The following MZT2B variants were observed in gnomAD, a reference collection of about 807,000 sequenced individuals.
The protein encoded by MZT2B is mitotic-spindle organizing protein 2B.
In MZT2B, 11 loss-of-function variants were observed where a neutral mutation model predicts 12.1. That is an observed-to-expected ratio of 0.91 (90% CI 0.57 to 1.50). MZT2B has a LOEUF of 1.50. Ranked by LOEUF, MZT2B falls within the 40% of genes most tolerant of loss-of-function variation. The pLI is 0.00. For missense variants in MZT2B, 209 were observed against 227.7 expected, an observed-to-expected ratio of 0.92 and a Z score of 0.53; for synonymous variants, 85 against 109.5, an observed-to-expected ratio of 0.78 and a Z score of 1.40.
the MZT2B span, chr2:130,198,231 G>T: frequency 2.1e-5 from 23 of 1,104,120 alleles, 4 homozygotes; most frequent in East Asian, 6.7e-4. Flanking sequence ...CTCCTGTCCC[G>T]CACTAGACCC....
the MZT2B span, among the ~76,000 whole-genome samples, chr2:130,201,671 C>T: frequency 1.1e-4 from 16 of 152,212 alleles, 1 homozygote; most frequent in South Asian, 3.3e-3. Context: ...TAGCCCACAT[C>T]ACACGGTGCT....
the MZT2B span, among the ~76,000 whole-genome samples, chr2:130,201,118 G>A: frequency 6.6e-6 from 1 of 152,232 alleles, no homozygotes; most frequent in African/African-American, 2.4e-5. Flanking sequence ...CAGGAGTTGA[G>A]ACTTTTCTGT....
At chr2:130,189,630 G>A (rs558059426) in intron 2 of MZT2B, among the ~76,000 whole-genome samples, 3 of 152,328 alleles carry the variant, frequency 2.0e-5, no homozygotes, top group South Asian at 2.1e-4. Context: ...ACCCGGGCAC[G>A]TTTGTACCTT....
At chr2:130,182,558 G>T in intron 1 of MZT2B, 69 bp from the exon 2 acceptor site, 2 of 1,569,612 alleles carry the variant, frequency 1.3e-6, no homozygotes, top group South Asian at 1.2e-5. Flanking sequence ...CCCCGTCCTT[G>T]TCGGGTCTTC....
At chr2:130,198,475 C>T in the MZT2B span, 90 of 1,217,250 alleles carry the variant, frequency 7.4e-5, 24 homozygotes, top group East Asian at 9.9e-4. Flanking sequence ...ATTGGCCTGC[C>T]GGTGCCAGGC....
chr2:130,182,675 C>T lies in MZT2B; in HGVS notation c.219C>T (p.Phe73=). ...LKLNVAPLAV[F]QMLKSMCAGQ... ...TGAACGTGGCCCCCCTCGCCGTCTT[C>T]CAGATGCTCAAGTCCATGTGTGCCG... The change falls in exon 2 of 3, where the codon TTC becomes TTT. Residue 73 remains phenylalanine, a synonymous_variant. Coordinates refer to ENST00000281871, the MANE Select transcript of MZT2B (RefSeq NM_025029.5). 1.3e-6 allele frequency: 2 copies of T among 1,554,606 alleles called. No individual in the cohort carries two copies. Among genetic ancestry groups the T allele is most frequent in the Non-Finnish European group, 1.7e-6 (2 of 1,149,958 alleles).
chr2:130,202,538 C>T, the MZT2B span: 1,003 of 1,083,048 alleles, frequency 9.3e-4, 2 homozygotes, highest in South Asian at 5.1e-3. Flanking sequence ...TTGGGACTCC[C>T]ACTCATGGAC....
upstream of MZT2B, chr2:130,181,946 T>G (rs1689692350): frequency 1.4e-6 from 2 of 1,432,196 alleles, no homozygotes; most frequent in South Asian, 1.3e-5. Flanking sequence ...AAGAGGCATT[T>G]ACCGAGCGCC....
downstream of MZT2B, among the ~76,000 whole-genome samples, chr2:130,192,447 A>T (rs1336791367): frequency 6.6e-6 from 1 of 152,178 alleles, no homozygotes; most frequent in African/African-American, 2.4e-5. Context: ...TCTTCTTTGT[A>T]GATTACAATT....
intron 2 of MZT2B, chr2:130,183,638 G>A (rs747570576): frequency 2.7e-5 from 36 of 1,324,412 alleles, no homozygotes; most frequent in Middle Eastern, 1.8e-4. Context: ...ATCCTGAGAA[G>A]GCGTGGAGAG....
At position 130,183,795 on chromosome 2, in the gene MZT2B, T is replaced by C. The variant is rs2104961530; in HGVS notation, c.319+1020T>C. The C allele has an allele frequency of 3.9e-6, 6 of 1,550,662 alleles. No individual in the cohort carries two copies. The South Asian group carries it at 7.1e-5, about 18-fold the overall frequency. On this transcript the variant is annotated intron_variant, in intron 2 of 2. Coordinates refer to ENST00000281871, the MANE Select transcript of MZT2B (RefSeq NM_025029.5). ...CTCTCTCTGACCTCCAGAGGCCTCC[T>C]TTCTCTCTGCCAGGAACAGTAGCCC...
At chr2:130,184,884 G>C (rs1044321384) in intron 2 of MZT2B, 2 of 985,258 alleles carry the variant, frequency 2.0e-6, no homozygotes, top group Non-Finnish European at 2.4e-6. Context: ...CCACCAGCGA[G>C]ACCAGTGTGG....
chr2:130,191,041 C>T (rs1431071899), downstream of MZT2B, among the ~76,000 whole-genome samples: 3 of 152,096 alleles, frequency 2.0e-5, no homozygotes, highest in African/African-American at 7.2e-5. Context: ...GCTCCGCCTC[C>T]TGGGTTCACG....
At chr2:130,197,253 G>A in the MZT2B span, among the ~76,000 whole-genome samples, 1 of 152,090 alleles carries the variant, frequency 6.6e-6, no homozygotes, top group African/African-American at 2.4e-5. Context: ...ACTTTGGAAG[G>A]CTGAGGTGAG....
chr2:130,195,286 A>T, downstream of MZT2B: 1 of 1,589,578 alleles, frequency 6.3e-7, no homozygotes, highest in South Asian at 1.2e-5. Flanking sequence ...CAAGATGGAC[A>T]CATTCCAGGA....
chr2:130,198,144 A>C, the MZT2B span, among the ~76,000 whole-genome samples: 2 of 122,814 alleles, frequency 1.6e-5, 1 homozygote, highest in Non-Finnish European at 3.6e-5. Context: ...CGTCCACTAA[A>C]GGCCGGCAGC....
At chr2:130,195,721 C>A (rs2443645), downstream of MZT2B, among the ~76,000 whole-genome samples, 257 of 152,026 alleles carry the variant, frequency 1.7e-3, 2 homozygotes, top group African/African-American at 5.7e-3. Flanking sequence ...TGGAAACTAC[C>A]TCAGGCTGCG....
chr2:130,195,756 T>C, the MZT2B span, among the ~76,000 whole-genome samples: 3 of 152,218 alleles, frequency 2.0e-5, no homozygotes, highest in African/African-American at 7.2e-5. Context: ...AAATGACTGT[T>C]CTGTACTTAC....
chr2:130,184,946 C>T (rs897908083), intron 2 of MZT2B: 9 of 952,458 alleles, frequency 9.4e-6, no homozygotes, highest in Admixed American at 6.2e-5. Flanking sequence ...AGGTGGATCC[C>T]TTGAGCTCAG....
Sources: gnomAD v4.1 joint callset for allele counts (sites outside exome capture counted in the v4.1 genomes callset) on GRCh38, gnomAD v4.1.1 for gene constraint, MANE v1.5 for transcripts, NCBI Gene and HGNC (gene_info 2026-07-23, HGNC 2026-07-21) for gene names.